KAT2B: variants seen among roughly 807,000 people sequenced by gnomAD.
KAT2B encodes lysine acetyltransferase 2B.
A neutral mutation model predicts 105.9 loss-of-function variants in KAT2B; 36 were observed. The observed-to-expected ratio is 0.34, with a 90% confidence interval of 0.26 to 0.45. KAT2B has a LOEUF of 0.45. KAT2B is among the 20% of genes least tolerant of loss of function. The pLI is 1.00. For synonymous variants in KAT2B, 397 were observed against 377.9 expected, an observed-to-expected ratio of 1.05 and a Z score of -0.59; for missense variants, 820 against 1,021.6, an observed-to-expected ratio of 0.80 and a Z score of 2.69.
At chr3:20,122,312 G>A (rs922128626) in intron 8 of KAT2B, among the ~76,000 whole-genome samples, 3 of 152,118 alleles carry the variant, frequency 2.0e-5, no homozygotes, top group East Asian at 1.9e-4. Flanking sequence ...TGACGTTTTG[G>A]TGTCATATGG....
At chr3:20,118,508 G>GGAGTTT (rs1699248574) in intron 7 of KAT2B, among the ~76,000 whole-genome samples, 1 of 149,516 alleles carries the variant, frequency 6.7e-6, no homozygotes, top group Admixed American at 6.7e-5. Context: ...CCTGAGGTCA[G>GGAGTTT]GAGTTTGAGT....
chr3:20,086,370 G>A (rs754491380), intron 2 of KAT2B, among the ~76,000 whole-genome samples: 1 of 152,166 alleles, frequency 6.6e-6, no homozygotes, highest in African/African-American at 2.4e-5. Flanking sequence ...AATCCGAGAC[G>A]GGAGGATCAC....
At chr3:20,117,222 T>C (rs753450667) in intron 7 of KAT2B, among the ~76,000 whole-genome samples, 1 of 152,158 alleles carries the variant, frequency 6.6e-6, no homozygotes, top group African/African-American at 2.4e-5. Context: ...GGGAATTTTA[T>C]TCGTTTTTCT....
intron 11 of KAT2B, among the ~76,000 whole-genome samples, chr3:20,134,092 C>A (rs115456413): frequency 6.6e-6 from 1 of 152,116 alleles, no homozygotes; most frequent in Admixed American, 6.5e-5. Context: ...GCCTTGAAGA[C>A]GTTTTAAAAT....
chr3:20,095,325 G>C lies in KAT2B; in HGVS notation c.493G>C (p.Val165Leu). The C allele has an allele frequency of 1.2e-6, 2 of 1,606,620 alleles. No individual in the cohort carries two copies. Among genetic ancestry groups the C allele is most frequent in the Non-Finnish European group, 1.7e-6 (2 of 1,173,236 alleles). Residue 165 changes from valine to leucine, a missense_variant, in exon 3 of 18, where the codon GTA (valine) becomes CTA (leucine). Val to Leu is a conservative substitution (Grantham distance 32, BLOSUM62 1). Around this residue, in one of 6 missense-constraint regions of KAT2B, gnomAD observed 173 missense variants for 249.5 expected, o/e 0.69. Coordinates refer to ENST00000263754, the MANE Select transcript of KAT2B (RefSeq NM_003884.5). ...EEEMNRLLGI[V>L]LDVEYLFTCV... ...AGAAATGAACAGACTCCTGGGAATA[G>C]TATTGGATGTGGAATATCTCTTTAC...
intron 1 of KAT2B, among the ~76,000 whole-genome samples, chr3:20,050,509 T>C (rs1390583699): frequency 6.6e-6 from 1 of 152,242 alleles, no homozygotes; most frequent in Non-Finnish European, 1.5e-5. Flanking sequence ...TCTTAAACTT[T>C]ACATAAATTG....
intron 3 of KAT2B, among the ~76,000 whole-genome samples, chr3:20,097,780 C>G (rs761050687): frequency 5.3e-5 from 8 of 152,064 alleles, no homozygotes; most frequent in Admixed American, 2.0e-4. Context: ...CAAGTGATCT[C>G]CCCCCTCGGC....
intron 7 of KAT2B, among the ~76,000 whole-genome samples, chr3:20,118,279 TATAA>T (rs993408359): frequency 9.6e-5 from 14 of 146,546 alleles, no homozygotes; most frequent in Admixed American, 2.7e-4. Flanking sequence ...ATTATTTATA[TATAA>T]ATAAATAATT....
At chr3:20,128,395 C>T (rs1699448365) in intron 11 of KAT2B, among the ~76,000 whole-genome samples, 1 of 152,128 alleles carries the variant, frequency 6.6e-6, no homozygotes, top group Non-Finnish European at 1.5e-5. Context: ...TAAGGGAAGT[C>T]ATGAAATTCT....
chr3:20,094,906 TC>T (rs1698782379), intron 2 of KAT2B, among the ~76,000 whole-genome samples: 1 of 152,160 alleles, frequency 6.6e-6, no homozygotes, highest in Non-Finnish European at 1.5e-5. Context: ...TAGAGAACCC[TC>T]TTGACATGGT....
At chr3:20,053,086 A>G (rs1200696084) in intron 1 of KAT2B, among the ~76,000 whole-genome samples, 1 of 152,230 alleles carries the variant, frequency 6.6e-6, no homozygotes, top group Non-Finnish European at 1.5e-5. Flanking sequence ...ACTCATAGTT[A>G]AGTGTGTTTC....
In KAT2B at chr3:20,040,591, G is replaced by C; in HGVS notation, c.114G>C (p.Gln38His). 8.2e-7 allele frequency: 1 copy of C among 1,212,606 alleles called. No homozygotes were observed. 75.1% of individuals were successfully genotyped at this position (1,212,606 alleles called of 1,614,324 possible). A position where few individuals can be genotyped will look rare whatever the true frequency, so the allele number is the denominator to read the frequency against. The change falls in exon 1 of 18, where the codon CAG becomes CAC. Residue 38 changes from glutamine to histidine, a missense_variant. Around this residue, in one of 6 missense-constraint regions of KAT2B, gnomAD observed 190 missense variants for 176.7 expected, o/e 1.08. Coordinates refer to ENST00000263754, the MANE Select transcript of KAT2B (RefSeq NM_003884.5). ...CGGCGCTTCCGCCCGCGCCCCCGCA[G>C]GGCTCCCCCTGCGCCGCTGCCGCCG... ...QPAALPPAPPQGSPCAAAAGG... is the reference protein window; with the variant it reads ...QPAALPPAPPHGSPCAAAAGG...
At chr3:20,050,925 G>A (rs981710285) in intron 1 of KAT2B, among the ~76,000 whole-genome samples, 7 of 152,104 alleles carry the variant, frequency 4.6e-5, no homozygotes, top group Non-Finnish European at 8.8e-5. Context: ...AGGTGGCCGG[G>A]TATGGTGGCT....
chr3:20,064,928 T>A (rs13100737), intron 1 of KAT2B, among the ~76,000 whole-genome samples: 1 of 152,190 alleles, frequency 6.6e-6, no homozygotes, highest in African/African-American at 2.4e-5. Flanking sequence ...CCTGTTCCTC[T>A]GGATGCCACT....
At chr3:20,063,939 T>C (rs1418687468) in intron 1 of KAT2B, among the ~76,000 whole-genome samples, 1 of 152,170 alleles carries the variant, frequency 6.6e-6, no homozygotes, top group African/African-American at 2.4e-5. Flanking sequence ...TGCACACAGA[T>C]ACCTAGTTTT....
At chr3:20,077,373 G>A (rs146900802) in intron 2 of KAT2B, among the ~76,000 whole-genome samples, 630 of 152,244 alleles carry the variant, frequency 4.1e-3, no homozygotes, top group African/African-American at 0.013. Flanking sequence ...AAGAATTCTA[G>A]CTTGGCCCTG....
At chr3:20,078,539 A>AT (rs879676156) in intron 2 of KAT2B, among the ~76,000 whole-genome samples, 4,408 of 145,686 alleles carry the variant, frequency 0.03, 185 homozygotes, top group African/African-American at 0.1. Context: ...TGCCCAGCTA[A>AT]TTTTTTTTTT....
chr3:20,049,825 A>G (rs1469164313), intron 1 of KAT2B, among the ~76,000 whole-genome samples: 1 of 152,182 alleles, frequency 6.6e-6, no homozygotes, highest in Non-Finnish European at 1.5e-5. Context: ...TTCTCTGTTG[A>G]AGAAAGATGA....
At chr3:20,082,255 G>A (rs968071925) in intron 2 of KAT2B, among the ~76,000 whole-genome samples, 2 of 151,956 alleles carry the variant, frequency 1.3e-5, no homozygotes, top group African/African-American at 2.4e-5. Flanking sequence ...GGCTGGTCTC[G>A]AACTACTGAC....
Sources: allele counts gnomAD v4.1 joint callset (sites outside exome capture counted in the v4.1 genomes callset), GRCh38; gene constraint gnomAD v4.1.1; regional missense constraint gnomAD v4.1.1; transcripts MANE v1.5; gene names NCBI Gene and HGNC (gene_info 2026-07-23, HGNC 2026-07-21).